Variants in TMEM135 observed in about 807,000 individuals in gnomAD.
TMEM135 encodes peroxisomal membrane protein 52.
A neutral mutation model predicts 60.3 loss-of-function variants in TMEM135; 30 were observed. The observed-to-expected ratio is 0.50, with a 90% CI of 0.37 to 0.68. TMEM135 has a LOEUF of 0.68. TMEM135 is among the 30% of genes least tolerant of loss of function. TMEM135 has a pLI of 0.00. For synonymous variants in TMEM135, 190 were observed against 186.7 expected (o/e 1.02, Z -0.14); for missense variants, 468 against 548.8 (o/e 0.85, Z 1.47).
chr11:87,174,738 A>G (rs1939326169), intron 5 of TMEM135, among the ~76,000 whole-genome samples: 1 of 152,178 alleles, frequency 6.6e-6, no homozygotes, highest in Admixed American at 6.6e-5. Context: ...GGCTTACAGC[A>G]GGTCCTCCAA....
rs114045728 is a variant in TMEM135, at chr11:87,301,510, C to A, written c.552-786C>A. On this transcript the variant is annotated intron_variant, in intron 7 of 14. Transcript: ENST00000305494. ...CACAAGTGATTGTCCTGCCTTGACT[C>A]CCATAGTGCCAGGGTTACAGCAGGA... 2.6e-3 allele frequency among the ~76,000 whole-genome samples: 402 copies of A among 152,222 alleles called. 3 individuals are homozygous for A. Among genetic ancestry groups the A allele is most frequent in the African/African-American group, 9.4e-3 (390 of 41,546 alleles).
intron 4 of TMEM135, among the ~76,000 whole-genome samples, chr11:87,106,061 A>G (rs1857586850): frequency 6.6e-6 from 1 of 151,450 alleles, no homozygotes. Flanking sequence ...CACTTAATAT[A>G]ATGATCTCCA....
At position 87,047,444 on chromosome 11, in the gene TMEM135, G is replaced by A. The variant is rs1053489434; in HGVS notation, c.141+9258G>A. ...TAGGGAGTGCCAGACAGTGGGCGCA[G>A]GCCAGTGTGTGCGCGCACCGTGCGC... On this transcript the variant is annotated intron_variant, in intron 1 of 14. Transcript: ENST00000305494. 6.7e-4 allele frequency among the ~76,000 whole-genome samples: 102 copies of A among 151,580 alleles called. 1 individual carries two copies. The highest frequency in any genetic ancestry group is 3.4e-3 in the Middle Eastern group (1 of 294).
intron 4 of TMEM135, among the ~76,000 whole-genome samples, chr11:87,149,032 T>TTGTGTGTG (rs553840798): frequency 7.7e-4 from 111 of 143,692 alleles, no homozygotes; most frequent in Middle Eastern, 3.5e-3. Context: ...CCCCATACCT[T>TTGTGTGTG]TGTGTGTGTG....
chr11:87,294,460 T>G (rs1324443744), intron 6 of TMEM135, among the ~76,000 whole-genome samples: 7 of 152,198 alleles, frequency 4.6e-5, no homozygotes, highest in Non-Finnish European at 1.0e-4. Context: ...CTTGGCTCAT[T>G]GCAACCTCCG....
chr11:87,308,644 T>G (rs1435936122), intron 9 of TMEM135, among the ~76,000 whole-genome samples: 2 of 152,154 alleles, frequency 1.3e-5, no homozygotes, highest in Non-Finnish European at 2.9e-5. Context: ...TAACAATGTA[T>G]TGGTTGAACT....
At chr11:87,309,901 T>C (rs1196429080) in intron 10 of TMEM135, among the ~76,000 whole-genome samples, 5 of 152,208 alleles carry the variant, frequency 3.3e-5, no homozygotes, top group Non-Finnish European at 7.4e-5. Flanking sequence ...TGCATTTACA[T>C]ATGGTATTAC....
At chr11:87,274,798 G>GTGTA (rs1001002361) in intron 6 of TMEM135, among the ~76,000 whole-genome samples, 1 of 148,108 alleles carries the variant, frequency 6.8e-6, no homozygotes, top group African/African-American at 2.5e-5. Context: ...GTGTGTGTGT[G>GTGTA]TGTGTGTGTG....
intron 9 of TMEM135, 116 bp from the exon 10 acceptor site, chr11:87,309,389 T>A (rs1426715799): frequency 9.5e-7 from 1 of 1,058,100 alleles, no homozygotes; most frequent in African/African-American, 1.6e-5. Context: ...TGCTGTGCTA[T>A]AAACTTAGAT....
chr11:87,080,610 T>C (rs1856969922), intron 3 of TMEM135, among the ~76,000 whole-genome samples: 1 of 152,214 alleles, frequency 6.6e-6, no homozygotes, highest in African/African-American at 2.4e-5. Context: ...CATGATGAAT[T>C]GAACCTTTTA....
intron 4 of TMEM135, among the ~76,000 whole-genome samples, chr11:87,136,275 A>G (rs745946980): frequency 6.6e-6 from 1 of 152,058 alleles, no homozygotes; most frequent in African/African-American, 2.4e-5. Context: ...ATCTATAGAG[A>G]TGAACATGTG....
intron 3 of TMEM135, among the ~76,000 whole-genome samples, chr11:87,083,091 C>G (rs779650314): frequency 1.3e-5 from 2 of 152,106 alleles, no homozygotes; most frequent in South Asian, 4.1e-4. Context: ...TCAATTACCC[C>G]CTCCCTTTCT....
intron 5 of TMEM135, among the ~76,000 whole-genome samples, chr11:87,218,353 CACTT>C (rs1319312915): frequency 6.6e-6 from 1 of 152,112 alleles, no homozygotes; most frequent in Non-Finnish European, 1.5e-5. Flanking sequence ...AAGTAGGAAA[CACTT>C]ACTTTGAACA....
chr11:87,073,323 G>A (rs762573339), intron 3 of TMEM135, among the ~76,000 whole-genome samples: 2 of 152,124 alleles, frequency 1.3e-5, no homozygotes, highest in African/African-American at 4.8e-5. Flanking sequence ...GTGAGCCATC[G>A]CACCCGGCCC....
At chr11:87,088,876 T>C (rs903178320) in intron 3 of TMEM135, among the ~76,000 whole-genome samples, 36 of 152,164 alleles carry the variant, frequency 2.4e-4, no homozygotes, top group African/African-American at 8.2e-4. Flanking sequence ...TTTCTGTGGT[T>C]TACAATAACA....
intron 5 of TMEM135, among the ~76,000 whole-genome samples, chr11:87,200,325 T>C (rs1940066685): frequency 6.6e-6 from 1 of 152,186 alleles, no homozygotes. Flanking sequence ...TATCTTGTTA[T>C]GATTTTGGTA....
chr11:87,257,689 A>G (rs996053991), intron 6 of TMEM135, among the ~76,000 whole-genome samples: 1 of 152,206 alleles, frequency 6.6e-6, no homozygotes, highest in African/African-American at 2.4e-5. Flanking sequence ...ATCTGTAGAG[A>G]TAAAAATTAG....
intron 6 of TMEM135, among the ~76,000 whole-genome samples, chr11:87,250,942 C>G (rs1197120462): frequency 6.6e-6 from 1 of 152,046 alleles, no homozygotes; most frequent in African/African-American, 2.4e-5. Context: ...ATGGTGAGGA[C>G]TTGACCAAAA....
intron 4 of TMEM135, among the ~76,000 whole-genome samples, chr11:87,100,417 A>C (rs1190689974): frequency 1.3e-5 from 2 of 152,298 alleles, no homozygotes; most frequent in African/African-American, 2.4e-5. Flanking sequence ...ATTCAGGGAG[A>C]ACTGAATTCA....
Sources: gnomAD v4.1 joint callset for allele counts (sites outside exome capture counted in the v4.1 genomes callset) on GRCh38, gnomAD v4.1.1 for gene constraint, MANE v1.5 for transcripts, NCBI Gene and HGNC (gene_info 2026-07-23, HGNC 2026-07-21) for gene names.